The following GTF2I variants were observed in gnomAD, a reference collection of about 807,000 sequenced individuals.
The protein encoded by GTF2I is general transcription factor IIi, also known as general transcription factor II-I.
A neutral mutation model predicts 67.6 loss-of-function variants in GTF2I; 12 were observed. The ratio of observed to expected loss-of-function variants is 0.18; its 90% CI spans 0.11 to 0.29. The LOEUF (loss-of-function observed/expected upper bound fraction) is 0.29, where lower values mean the gene tolerates loss of function less well. Among genes scored for constraint, GTF2I ranks in the 10% least tolerant of loss-of-function variants. The pLI is 1.00. For missense variants in GTF2I, 271 were observed against 580.1 expected, an observed-to-expected ratio of 0.47 and a Z score of 5.47; for synonymous variants, 149 against 197.0, an observed-to-expected ratio of 0.76 and a Z score of 2.04.
chr7:74,661,082 C>T (rs1804441705), intron 1 of GTF2I, among the ~76,000 whole-genome samples: 1 of 152,300 alleles, frequency 6.6e-6, no homozygotes, highest in African/African-American at 2.4e-5. Flanking sequence ...TTGGAGAGTT[C>T]TGTACTCTTG....
At chr7:74,667,730 C>G (rs998307773) in intron 1 of GTF2I, among the ~76,000 whole-genome samples, 8 of 151,844 alleles carry the variant, frequency 5.3e-5, no homozygotes, top group Admixed American at 1.3e-4. Flanking sequence ...GTTGCCCAGG[C>G]TGGTCTCCAA....
chr7:74,673,795 C>T (rs1805666008), intron 1 of GTF2I, among the ~76,000 whole-genome samples: 1 of 151,438 alleles, frequency 6.6e-6, no homozygotes, highest in Admixed American at 6.6e-5. Context: ...ATTCTCCCGC[C>T]TCAGCCTCCC....
chr7:74,716,846 A>T, intron 10 of GTF2I, 48 bp from the exon 11 acceptor site: 1 of 1,225,276 alleles, frequency 8.2e-7, no homozygotes, highest in Non-Finnish European at 1.2e-6. Context: ...TTCATCTTTC[A>T]ATGTCAGTTT....
chr7:74,666,969 C>T (rs587720311), intron 1 of GTF2I, among the ~76,000 whole-genome samples: 1 of 151,276 alleles, frequency 6.6e-6, no homozygotes, highest in African/African-American at 2.4e-5. Context: ...GACAGTGTGA[C>T]ACTCTGTCTC....
At chr7:74,698,361 A>AT (rs1789232321) in intron 3 of GTF2I, among the ~76,000 whole-genome samples, 1 of 131,280 alleles carries the variant, frequency 7.6e-6, no homozygotes, top group Admixed American at 8.0e-5. Flanking sequence ...AAGTGCTGGG[A>AT]TTACAGGTGT....
intron 1 of GTF2I, among the ~76,000 whole-genome samples, chr7:74,661,114 G>A (rs1210508150): frequency 6.6e-6 from 1 of 152,136 alleles, no homozygotes; most frequent in Non-Finnish European, 1.5e-5. Context: ...CATGAACCTG[G>A]CCAGTGTGAC....
At chr7:74,731,782 T>A (rs1320681930) in intron 14 of GTF2I, among the ~76,000 whole-genome samples, 2 of 149,596 alleles carry the variant, frequency 1.3e-5, no homozygotes, top group African/African-American at 4.9e-5. Context: ...TAACCTCAGG[T>A]GATCCACCCA....
intron 12 of GTF2I, among the ~76,000 whole-genome samples, chr7:74,724,820 C>T (rs1322150883): frequency 6.6e-6 from 1 of 152,060 alleles, no homozygotes; most frequent in Non-Finnish European, 1.5e-5. Context: ...ACTCTGGAGG[C>T]TGAGGCAGGA....
At chr7:74,674,368 A>T (rs1050012273) in intron 1 of GTF2I, among the ~76,000 whole-genome samples, 1 of 152,104 alleles carries the variant, frequency 6.6e-6, no homozygotes, top group African/African-American at 2.4e-5. Context: ...GCCCAGTCTG[A>T]GTCACTTTTA....
Position 74,685,800 on chromosome 7 carries a change from C to G in GTF2I, c.-5-3324C>G, listed in dbSNP as rs587678556. Among the ~76,000 whole-genome samples, 204 of 151,932 alleles carry G rather than the reference C, an allele frequency of 1.3e-3. 1 individual carries two copies. Among genetic ancestry groups the G allele is most frequent in the African/African-American group, 4.6e-3 (190 of 41,480 alleles). On this transcript the variant is annotated intron_variant, in intron 1 of 34. Coordinates refer to ENST00000573035, the MANE Select transcript of GTF2I (RefSeq NM_032999.4). Reference sequence around the variant, plus strand: ...AAAAAAAAAAGTCCGGGGGCGATGGCTCACGCCGGTAATCCGGCCGAGGCG... The same window carrying G: ...AAAAAAAAAAGTCCGGGGGCGATGGGTCACGCCGGTAATCCGGCCGAGGCG...
chr7:74,666,047 T>A (rs587710373), intron 1 of GTF2I, among the ~76,000 whole-genome samples: 1 of 152,312 alleles, frequency 6.6e-6, no homozygotes, highest in African/African-American at 2.4e-5. Context: ...TACTATATGT[T>A]GGCCAGGCTG....
At chr7:74,685,433 G>A (rs1200423788) in intron 1 of GTF2I, among the ~76,000 whole-genome samples, 1 of 151,894 alleles carries the variant, frequency 6.6e-6, no homozygotes, top group Admixed American at 6.6e-5. Context: ...GGAGGCAGAG[G>A]TTGCAGTGAG....
chr7:74,670,647 G>T (rs1487894535), intron 1 of GTF2I, among the ~76,000 whole-genome samples: 1 of 146,602 alleles, frequency 6.8e-6, no homozygotes, highest in Non-Finnish European at 1.5e-5. Flanking sequence ...CTGAGACTAC[G>T]CCACTGCATT....
chr7:74,717,739 TA>T (rs55730292), intron 11 of GTF2I, among the ~76,000 whole-genome samples: 94 of 151,696 alleles, frequency 6.2e-4, no homozygotes, highest in African/African-American at 1.9e-3. Context: ...TTATTTTAAT[TA>T]AAAAAAAACA....
chr7:74,664,298 TC>T (rs1371447655), intron 1 of GTF2I, among the ~76,000 whole-genome samples: 1 of 152,178 alleles, frequency 6.6e-6, no homozygotes, highest in Non-Finnish European at 1.5e-5. Context: ...GTTTTGGTAT[TC>T]CATGCCTGTT....
intron 6 of GTF2I, among the ~76,000 whole-genome samples, chr7:74,701,309 T>C (rs181307454): frequency 2.0e-5 from 3 of 152,322 alleles, no homozygotes; most frequent in Admixed American, 2.0e-4. Flanking sequence ...ATTGGAATAC[T>C]TTTAAACATG....
chr7:74,685,022 G>GT (rs1787581301), intron 1 of GTF2I: 1 of 152,198 alleles, frequency 6.6e-6, no homozygotes, highest in Admixed American at 6.6e-5. Flanking sequence ...TTTTCTAGAG[G>GT]TTTCCCATTG....
chr7:74,683,811 C>T (rs1787458064), intron 1 of GTF2I, among the ~76,000 whole-genome samples: 2 of 152,140 alleles, frequency 1.3e-5, no homozygotes, highest in African/African-American at 4.8e-5. Flanking sequence ...CAGGATCGTG[C>T]CACTGCACTC....
intron 8 of GTF2I, among the ~76,000 whole-genome samples, chr7:74,709,924 G>A (rs749152764): frequency 9.2e-5 from 14 of 151,420 alleles, no homozygotes; most frequent in Non-Finnish European, 1.9e-4. Flanking sequence ...TCGCCCGCCT[G>A]GACCTCCCAA....
Sources: gnomAD v4.1 joint callset for allele counts (sites outside exome capture counted in the v4.1 genomes callset) on GRCh38, gnomAD v4.1.1 for gene constraint, MANE v1.5 for transcripts, NCBI Gene and HGNC (gene_info 2026-07-23, HGNC 2026-07-21) for gene names.